The following ATAD2 variants were observed in gnomAD, a reference collection of about 807,000 sequenced individuals.
The protein encoded by ATAD2 is ATPase family AAA domain containing 2, also known as ATPase family AAA domain-containing protein 2.
Under a neutral mutation model 168.9 loss-of-function variants are expected in ATAD2, and 62 were observed. The observed-to-expected ratio is 0.37, with a 90% CI of 0.30 to 0.45. The LOEUF (loss-of-function observed/expected upper bound fraction) is 0.45. Among genes scored for constraint, ATAD2 ranks in the 20% least tolerant of loss-of-function variants. ATAD2 has a pLI of 1.00. For missense variants in ATAD2, 1,419 were observed against 1,667.8 expected, an observed-to-expected ratio of 0.85 and a Z score of 2.60; for synonymous variants, 613 against 571.6, an observed-to-expected ratio of 1.07 and a Z score of -1.03.
At chr8:123,380,906 T>C (rs977878606) in intron 1 of ATAD2, 3 of 480,796 alleles carry the variant, frequency 6.2e-6, no homozygotes, top group Non-Finnish European at 1.1e-5. Flanking sequence ...TGGTTTATAG[T>C]TCATAACAAG....
In ATAD2 at chr8:123,346,842, A is replaced by G. The variant is rs1033336425; in HGVS notation, c.2213-92T>C. On this transcript the variant is annotated intron_variant, in intron 16 of 27. Coordinates refer to ENST00000287394, the MANE Select transcript of ATAD2 (RefSeq NM_014109.4). Reference sequence around the variant, plus strand: ...TACCAAGTCAGCATACTTCAATTAAATTTTTTCAAAGAATCAAAAATATTT... The same window carrying G: ...TACCAAGTCAGCATACTTCAATTAAGTTTTTTCAAAGAATCAAAAATATTT... The G allele has an allele frequency of 3.7e-6, 5 of 1,339,114 alleles. No individual in the cohort carries two copies. The African/African-American group carries it at 4.5e-5, about 12-fold the overall frequency. The allele number at this position is 1,339,114 out of a possible 1,614,324, so 83.0% of individuals were successfully genotyped here. A position where few individuals can be genotyped will look rare whatever the true frequency, so the allele number is the denominator to read the frequency against.
At chr8:123,326,128 G>A in intron 25 of ATAD2, 102 bp from the exon 26 acceptor site, 1 of 1,234,916 alleles carries the variant, frequency 8.1e-7, no homozygotes, top group Non-Finnish European at 1.1e-6. Flanking sequence ...GTTTACTAAG[G>A]ACATAAACAG....
At chr8:123,334,675 A>G (rs553971887) in intron 22 of ATAD2, among the ~76,000 whole-genome samples, 1 of 152,398 alleles carries the variant, frequency 6.6e-6, no homozygotes, top group African/African-American at 2.4e-5. Flanking sequence ...AGAATGTGAA[A>G]GAATTTTGCA....
intron 14 of ATAD2, 30 bp downstream of exon 14, chr8:123,349,255 G>C (rs772489005): frequency 1.9e-5 from 30 of 1,594,332 alleles, no homozygotes; most frequent in Middle Eastern, 1.7e-4. Context: ...AATATATTTT[G>C]TCAAAATTTG....
At chr8:123,358,985 T>C (rs1828729558) in intron 11 of ATAD2, among the ~76,000 whole-genome samples, 1 of 152,144 alleles carries the variant, frequency 6.6e-6, no homozygotes, top group Non-Finnish European at 1.5e-5. Flanking sequence ...ATTACAGGCA[T>C]GAGCCACTGT....
chr8:123,370,161 A>C, intron 6 of ATAD2, 137 bp from the exon 7 acceptor site: 1 of 777,652 alleles, frequency 1.3e-6, no homozygotes, highest in South Asian at 1.9e-5. Context: ...AACAAAAAAA[A>C]ACCAAACTTA....
At chr8:123,346,320 A>C in intron 17 of ATAD2, 48 bp from the exon 18 acceptor site, 2 of 1,471,156 alleles carry the variant, frequency 1.4e-6, no homozygotes, top group Non-Finnish European at 1.8e-6. Context: ...AAACAGTTTA[A>C]ATTTTCCCCC....
intron 20 of ATAD2, among the ~76,000 whole-genome samples, chr8:123,338,253 G>C (rs971998207): frequency 2.0e-5 from 3 of 152,076 alleles, no homozygotes; most frequent in African/African-American, 7.2e-5. Flanking sequence ...TACTCAGGAG[G>C]CTGAGGCAGG....
At chr8:123,409,125 G>C (rs553426259) in intron 1 of ATAD2, among the ~76,000 whole-genome samples, 1 of 152,120 alleles carries the variant, frequency 6.6e-6, no homozygotes, top group South Asian at 2.1e-4. Context: ...GGCCCCGGCT[G>C]ATATATTCTT....
At chr8:123,352,980 T>C (rs1828519594) in intron 13 of ATAD2, among the ~76,000 whole-genome samples, 1 of 152,086 alleles carries the variant, frequency 6.6e-6, no homozygotes, top group Non-Finnish European at 1.5e-5. Context: ...GGTGGGAAGA[T>C]TGCTTGAGCC....
intron 19 of ATAD2, chr8:123,344,638 C>T: frequency 4.9e-6 from 2 of 405,306 alleles, no homozygotes; most frequent in Non-Finnish European, 4.6e-6. Flanking sequence ...TGAGCCACTG[C>T]ACCCGGCATA....
chr8:123,390,652 A>G (rs1197443661), intron 1 of ATAD2, among the ~76,000 whole-genome samples: 1 of 152,250 alleles, frequency 6.6e-6, no homozygotes, highest in Non-Finnish European at 1.5e-5. Context: ...TTTCAAATAA[A>G]CATACAATTT....
rs368122578 is a variant in ATAD2 at position 123,369,991 on chromosome 8, T to C, written c.761A>G (p.Glu254Gly). The change falls in exon 7 of 28, where the codon GAA becomes GGA. Residue 254 changes from glutamate to glycine, a missense_variant. Glu to Gly is a moderately conservative substitution (Grantham distance 98, BLOSUM62 -2). This residue lies in a region of ATAD2 where 419 missense variants were observed against 423.5 expected (regional missense o/e 0.99). Transcript: ENST00000287394. ...ATCATCTTCATCTTCACCATCATCT[T>C]CATGTTCTTGGTCTTCACCCTCTTC... Reference protein sequence around the residue: ...SSEEGEDQEHEDDGEDEDDED... With the variant: ...SSEEGEDQEHGDDGEDEDDED... 5.3e-5 allele frequency: 85 copies of C among 1,594,004 alleles called. No homozygotes were observed. The highest frequency in any genetic ancestry group is 7.3e-5 in the Non-Finnish European group (85 of 1,164,394).
In ATAD2 at chr8:123,320,741, A is replaced by C. The variant is rs1827444161; in HGVS notation, c.*393T>G. 6.0e-6 allele frequency: 1 copy of C among 168,054 alleles called. No individual in the cohort carries two copies. Among genetic ancestry groups the C allele is most frequent in the African/African-American group, 2.4e-5 (1 of 41,640 alleles). The allele number at this position is 168,054 out of a possible 1,614,324, so 10.4% of individuals were successfully genotyped here. A position where few individuals can be genotyped will look rare whatever the true frequency, so the allele number is the denominator to read the frequency against. The stretch of plus-strand genomic sequence containing the variant: ...AAAGATGGGAAGGACACAATGGTTA[A>C]GTAAGTTTCTTGTCAGATACAATAA... On this transcript the variant is annotated 3_prime_UTR_variant, in exon 28 of 28. Transcript: ENST00000287394.
At chr8:123,349,210 T>C in intron 14 of ATAD2, 75 bp downstream of exon 14, 2 of 1,449,132 alleles carry the variant, frequency 1.4e-6, no homozygotes, top group Admixed American at 4.6e-5. Flanking sequence ...ATCTCCAAAT[T>C]TTTACTATAC....
chr8:123,344,665 G>T, intron 19 of ATAD2: 1 of 509,682 alleles, frequency 2.0e-6, no homozygotes, highest in Non-Finnish European at 3.5e-6. Flanking sequence ...CATTTTTCAA[G>T]AGAAAAAATT....
At chr8:123,337,434 T>C (rs1348511178) in intron 21 of ATAD2, among the ~76,000 whole-genome samples, 191 bp downstream of exon 21, 1 of 152,176 alleles carries the variant, frequency 6.6e-6, no homozygotes, top group Non-Finnish European at 1.5e-5. Flanking sequence ...AAGTTAATTG[T>C]CTGCAGGAAA....
At chr8:123,331,024 A>G (rs895191294) in intron 24 of ATAD2, among the ~76,000 whole-genome samples, 82 of 152,102 alleles carry the variant, frequency 5.4e-4, no homozygotes, top group African/African-American at 2.0e-3. Context: ...ACTGGGTTCA[A>G]GCAATTCTCT....
At chr8:123,362,583 C>CTT (rs112206477) in intron 8 of ATAD2, among the ~76,000 whole-genome samples, 1 of 143,478 alleles carries the variant, frequency 7.0e-6, no homozygotes, top group Non-Finnish European at 1.5e-5. Context: ...GCCCAGTTAA[C>CTT]TTTTTTTTTT....
Sources: allele counts gnomAD v4.1 joint callset (sites outside exome capture counted in the v4.1 genomes callset), GRCh38; gene constraint gnomAD v4.1.1; regional missense constraint gnomAD v4.1.1; transcripts MANE v1.5; gene names NCBI Gene and HGNC (gene_info 2026-07-23, HGNC 2026-07-21).